Variants in MAGI1 observed in about 807,000 individuals in gnomAD.
MAGI1 encodes membrane-associated guanylate kinase, WW and PDZ domain-containing protein 1.
In MAGI1, 58 loss-of-function variants were observed where a neutral mutation model predicts 139.9. That is an observed-to-expected ratio of 0.41 (90% CI 0.34 to 0.52). MAGI1 has a LOEUF of 0.52. Among genes scored for constraint, MAGI1 ranks in the 20% least tolerant of loss-of-function variants. The pLI, the probability that MAGI1 is intolerant of heterozygous loss-of-function variation, is 0.12. For missense variants in MAGI1, 1,874 were observed against 1,901.6 expected (o/e 0.99, Z 0.27); for synonymous variants, 812 against 737.9 (o/e 1.10, Z -1.63).
At chr3:65,548,511 CTTTTTTTTTTTTTTTTT>C (rs1170215972) in intron 2 of MAGI1, among the ~76,000 whole-genome samples, 1 of 87,388 alleles carries the variant, frequency 1.1e-5, no homozygotes, top group South Asian at 4.1e-4. Flanking sequence ...AAACAACACT[CTTTTTTTTTTTTTTTTT>C]TTTTTTTTTT....
intron 1 of MAGI1, among the ~76,000 whole-genome samples, chr3:65,679,706 G>A (rs548561144): frequency 7.9e-5 from 12 of 152,356 alleles, no homozygotes; most frequent in East Asian, 3.9e-4. Flanking sequence ...CAAGGCCCAC[G>A]ACTCTTGGTC....
At chr3:65,486,146 T>C (rs766551020) in intron 3 of MAGI1, among the ~76,000 whole-genome samples, 1 of 152,218 alleles carries the variant, frequency 6.6e-6, no homozygotes, top group East Asian at 1.9e-4. Flanking sequence ...CCAAAAATTA[T>C]ACCATTGGCA....
At chr3:65,463,841 T>C (rs1205137860) in intron 5 of MAGI1, among the ~76,000 whole-genome samples, 1 of 152,204 alleles carries the variant, frequency 6.6e-6, no homozygotes, top group Non-Finnish European at 1.5e-5. Context: ...AACTTCTTCC[T>C]GGTTTAGTCT....
intron 1 of MAGI1, among the ~76,000 whole-genome samples, chr3:65,667,809 C>G (rs1019219695): frequency 6.6e-6 from 1 of 152,040 alleles, no homozygotes; most frequent in Non-Finnish European, 1.5e-5. Flanking sequence ...AGTAATCCAC[C>G]CACCTTGGCC....
intron 18 of MAGI1, among the ~76,000 whole-genome samples, chr3:65,368,385 C>T (rs1225927608): frequency 1.3e-5 from 2 of 152,200 alleles, no homozygotes; most frequent in African/African-American, 2.4e-5. Flanking sequence ...GATTACTACA[C>T]TTTCAATAGC....
At chr3:65,839,722 T>C (rs13070890) in intron 1 of MAGI1, among the ~76,000 whole-genome samples, 72,286 of 152,050 alleles carry the variant, frequency 0.48, 18,594 homozygotes, top group East Asian at 0.77. Context: ...ATTGAAAGCA[T>C]GATCCATAAA....
intron 2 of MAGI1, among the ~76,000 whole-genome samples, chr3:65,593,955 C>G (rs1220312152): frequency 2.0e-5 from 3 of 152,156 alleles, no homozygotes; most frequent in African/African-American, 7.2e-5. Context: ...CAAGAACATT[C>G]AGCCTGATGA....
intron 1 of MAGI1, among the ~76,000 whole-genome samples, chr3:65,818,822 G>A (rs976795399): frequency 6.6e-6 from 1 of 152,164 alleles, no homozygotes; most frequent in African/African-American, 2.4e-5. Context: ...GAAGACTGGA[G>A]CGTGCAGGAA....
chr3:65,538,989 T>C (rs1332083989), intron 2 of MAGI1, among the ~76,000 whole-genome samples: 1 of 118,002 alleles, frequency 8.5e-6, no homozygotes, highest in Admixed American at 9.2e-5. Flanking sequence ...CCAACTACCA[T>C]CAACCAGAAA....
chr3:65,478,741 G>C lies in MAGI1; in HGVS notation c.608C>G (p.Thr203Arg). The change falls in exon 4 of 23, where the codon ACG (threonine) becomes AGG (arginine). Residue 203 changes from threonine (T) to arginine (R), a missense_variant. Coordinates refer to ENST00000402939, the MANE Select transcript of MAGI1 (RefSeq NM_001033057.2). Reference sequence around the variant, plus strand: ...CTGAAGGCTGTGCAAGGCATCCGTCGTGATCACTTTCCCACTGACTGGCTG... The same window carrying C: ...CTGAAGGCTGTGCAAGGCATCCGTCCTGATCACTTTCCCACTGACTGGCTG... ...PSQPVSGKVI[T>R]TDALHSLQSG... 1 of 1,614,086 alleles carries C rather than the reference G, an allele frequency of 6.2e-7. No individual in the cohort carries two copies. The highest frequency in any genetic ancestry group is 1.6e-4 in the Middle Eastern group (1 of 6,062).
intron 5 of MAGI1, among the ~76,000 whole-genome samples, chr3:65,463,705 C>T (rs1949980326): frequency 1.3e-5 from 2 of 151,900 alleles, no homozygotes; most frequent in Admixed American, 6.6e-5. Context: ...AGAATGGTAC[C>T]AGCTCCTCTG....
At chr3:65,863,638 C>T (rs574393514) in intron 1 of MAGI1, among the ~76,000 whole-genome samples, 2 of 152,020 alleles carry the variant, frequency 1.3e-5, no homozygotes, top group African/African-American at 4.8e-5. Context: ...CAAATGAGAA[C>T]GTTGGCAAAT....
intron 3 of MAGI1, among the ~76,000 whole-genome samples, chr3:65,484,808 T>A (rs1483524570): frequency 6.6e-6 from 1 of 152,146 alleles, no homozygotes; most frequent in African/African-American, 2.4e-5. Flanking sequence ...ACAGACTAGA[T>A]CAAAGCTGTC....
chr3:65,499,541 T>C (rs1023677395), intron 2 of MAGI1, among the ~76,000 whole-genome samples: 1 of 151,850 alleles, frequency 6.6e-6, no homozygotes, highest in Non-Finnish European at 1.5e-5. Flanking sequence ...CCTAGTTACT[T>C]GGGAGGCTGA....
At chr3:65,690,750 T>C (rs566713411) in intron 1 of MAGI1, among the ~76,000 whole-genome samples, 2 of 151,642 alleles carry the variant, frequency 1.3e-5, no homozygotes, top group Admixed American at 1.3e-4. Context: ...GATTACAGCC[T>C]CCCAATGTGC....
intron 1 of MAGI1, among the ~76,000 whole-genome samples, chr3:65,910,628 A>C (rs2061619200): frequency 1.3e-5 from 2 of 152,182 alleles, no homozygotes; most frequent in Non-Finnish European, 2.9e-5. Context: ...ACTACTACTT[A>C]TTAAAGAACT....
chr3:65,835,871 C>T (rs918779254), intron 1 of MAGI1, among the ~76,000 whole-genome samples: 5 of 152,142 alleles, frequency 3.3e-5, no homozygotes, highest in Admixed American at 6.6e-5. Flanking sequence ...TCTGTTCAAT[C>T]GCCCTGTTTC....
At chr3:65,760,056 G>A (rs2036888038) in intron 1 of MAGI1, among the ~76,000 whole-genome samples, 1 of 151,992 alleles carries the variant, frequency 6.6e-6, no homozygotes, top group Non-Finnish European at 1.5e-5. Flanking sequence ...GTATAATGCA[G>A]GTCAAACTCT....
chr3:65,959,647 T>TTATTAG (rs1348963239), intron 1 of MAGI1, among the ~76,000 whole-genome samples: 14 of 142,588 alleles, frequency 9.8e-5, no homozygotes, highest in African/African-American at 3.6e-4. Context: ...ATTATTATTA[T>TTATTAG]TGAGACAAGG....
Sources: allele counts gnomAD v4.1 joint callset (sites outside exome capture counted in the v4.1 genomes callset), GRCh38; gene constraint gnomAD v4.1.1; transcripts MANE v1.5; gene names NCBI Gene and HGNC (gene_info 2026-07-23, HGNC 2026-07-21).